The following RTL4 variants were observed in gnomAD, a reference collection of about 807,000 sequenced individuals.
The protein encoded by RTL4 is retrotransposon Gag like 4, also known as retrotransposon Gag-like protein 4.
RTL4 carries 4 observed loss-of-function variants against 5.3 expected under a neutral mutation model. The observed-to-expected ratio is 0.75, with a 90% CI of 0.37 to 1.72. The LOEUF (loss-of-function observed/expected upper bound fraction) is 1.72. Among genes scored for constraint, RTL4 ranks in the 40% most tolerant of loss-of-function variants. The pLI is 0.04. For synonymous variants in RTL4, 98 were observed against 87.3 expected, an observed-to-expected ratio of 1.12 and a Z score of -0.68; for missense variants, 260 against 227.1, an observed-to-expected ratio of 1.14 and a Z score of -0.93.
At chrX:112,108,919 A>G in the RTL4 span, among the ~76,000 whole-genome samples, 2 of 110,980 alleles carry the variant, frequency 1.8e-5, no homozygotes, top group Non-Finnish European at 3.8e-5. Flanking sequence ...CTGTGGGGCT[A>G]TGTGGGCTTA....
chrX:112,282,221 C>T, the RTL4 span, among the ~76,000 whole-genome samples: 1 of 112,242 alleles, frequency 8.9e-6, no homozygotes, highest in Non-Finnish European at 1.9e-5. Context: ...CTTGTCTCAA[C>T]ACCATTTATT....
the RTL4 span, among the ~76,000 whole-genome samples, chrX:112,085,864 C>A: frequency 8.9e-6 from 1 of 111,797 alleles, no homozygotes; most frequent in Admixed American, 9.5e-5. Context: ...TAAAAAGGAA[C>A]CCTCACAAAT....
upstream of RTL4, among the ~76,000 whole-genome samples, chrX:112,449,860 G>A (rs1926704566): frequency 8.9e-6 from 1 of 112,229 alleles, no homozygotes; most frequent in Non-Finnish European, 1.9e-5. Context: ...AAGGAAACAA[G>A]CCCAGAGAGA....
At chrX:112,325,762 C>T in the RTL4 span, among the ~76,000 whole-genome samples, 1 of 112,502 alleles carries the variant, frequency 8.9e-6, no homozygotes, top group South Asian at 3.6e-4. Context: ...ATGTCTAAAA[C>T]ACCAAAAGCA....
chrX:112,190,149 TTTC>T, the RTL4 span, among the ~76,000 whole-genome samples: 2 of 76,540 alleles, frequency 2.6e-5, no homozygotes, highest in Admixed American at 3.2e-4. Context: ...CCTTTCTTTC[TTTC>T]TTTCTTTCTT....
At chrX:112,392,724 T>C in the RTL4 span, among the ~76,000 whole-genome samples, 1 of 110,755 alleles carries the variant, frequency 9.0e-6, no homozygotes, top group Admixed American at 9.5e-5. Context: ...CTCAGAGAAG[T>C]TGGAAAACTT....
chrX:112,115,346 A>C, the RTL4 span, among the ~76,000 whole-genome samples: 1 of 111,446 alleles, frequency 9.0e-6, no homozygotes, highest in Non-Finnish European at 1.9e-5. Context: ...AGTGGCCCTT[A>C]CCGACATATT....
chrX:112,252,853 T>C, the RTL4 span, among the ~76,000 whole-genome samples: 2 of 111,065 alleles, frequency 1.8e-5, no homozygotes, highest in African/African-American at 3.3e-5. Context: ...TCCCCTTTTA[T>C]ACCTTGGTGA....
chrX:112,373,945 T>C, the RTL4 span, among the ~76,000 whole-genome samples: 21 of 111,090 alleles, frequency 1.9e-4, no homozygotes, highest in South Asian at 3.8e-4. Flanking sequence ...GATTCATCCA[T>C]GTTTTATCAG....
At chrX:112,250,002 C>T in the RTL4 span, among the ~76,000 whole-genome samples, 2 of 110,650 alleles carry the variant, frequency 1.8e-5, no homozygotes, top group Non-Finnish European at 3.8e-5. Context: ...CAGGGCCGGG[C>T]GCAGTGGCTC....
the RTL4 span, among the ~76,000 whole-genome samples, chrX:112,083,843 C>T: frequency 4.5e-5 from 5 of 111,378 alleles, no homozygotes; most frequent in African/African-American, 9.8e-5. Flanking sequence ...AAGCCTGAGA[C>T]TTCTACCTGC....
chrX:112,199,843 C>G, the RTL4 span, among the ~76,000 whole-genome samples: 1 of 112,084 alleles, frequency 8.9e-6, no homozygotes, highest in Non-Finnish European at 1.9e-5. Flanking sequence ...AAGGTCTGCT[C>G]TGGATCATCC....
At chrX:112,369,448 C>T in the RTL4 span, among the ~76,000 whole-genome samples, 38,337 of 109,847 alleles carry the variant, frequency 0.35, 6,730 homozygotes, top group African/African-American at 0.68. Flanking sequence ...ATTCAGAATC[C>T]TTCATAACTG....
At chrX:112,122,764 G>A in the RTL4 span, among the ~76,000 whole-genome samples, 10 of 110,898 alleles carry the variant, frequency 9.0e-5, no homozygotes, top group African/African-American at 3.3e-4. Context: ...ATCCATTAGA[G>A]ATTATATTAG....
upstream of RTL4, among the ~76,000 whole-genome samples, chrX:112,454,247 A>T (rs1926792460): frequency 9.0e-6 from 1 of 111,631 alleles, no homozygotes; most frequent in Admixed American, 9.5e-5. Flanking sequence ...AATCACAAAA[A>T]ATCTCATAAT....
the RTL4 span, among the ~76,000 whole-genome samples, chrX:112,230,833 C>A: frequency 9.0e-6 from 1 of 111,569 alleles, no homozygotes; most frequent in African/African-American, 3.3e-5. Context: ...ACTCATCTGA[C>A]AAAGGGCTAA....
the RTL4 span, among the ~76,000 whole-genome samples, chrX:112,254,675 G>GT: frequency 1.8e-5 from 2 of 110,334 alleles, no homozygotes; most frequent in African/African-American, 3.3e-5. Context: ...CAGGGGCGGG[G>GT]GGCATTAAGA....
the RTL4 span, among the ~76,000 whole-genome samples, chrX:112,173,203 A>AAAAT: frequency 8.9e-6 from 1 of 112,029 alleles, no homozygotes; most frequent in Non-Finnish European, 1.9e-5. Flanking sequence ...TTCTCAAGAA[A>AAAAT]AAACAAATAA....
the RTL4 span, among the ~76,000 whole-genome samples, chrX:112,441,622 G>A: frequency 2.7e-5 from 3 of 111,825 alleles, no homozygotes; most frequent in Non-Finnish European, 5.6e-5. Context: ...GAAACAGTTT[G>A]CAGTATCTTA....
Sources: allele counts gnomAD v4.1 joint callset (sites outside exome capture counted in the v4.1 genomes callset), GRCh38; gene constraint gnomAD v4.1.1; transcripts MANE v1.5; gene names NCBI Gene and HGNC (gene_info 2026-07-23, HGNC 2026-07-21).